Variants in LYRM4 observed in about 807,000 individuals in gnomAD.
LYRM4 encodes LYR motif containing 4.
In LYRM4, 9 loss-of-function variants were observed where a neutral mutation model predicts 11.7. The observed-to-expected ratio is 0.77, with a 90% confidence interval of 0.46 to 1.34. The LOEUF (loss-of-function observed/expected upper bound fraction) is 1.34, where lower values mean the gene tolerates loss of function less well. LYRM4 is among the 40% of genes most tolerant of loss of function. The pLI is 0.00. For missense variants in LYRM4, 133 were observed against 112.5 expected (o/e 1.18, Z -0.82); for synonymous variants, 42 against 40.4 (o/e 1.04, Z -0.15).
intron 2 of LYRM4, among the ~76,000 whole-genome samples, chr6:5,184,859 G>C (rs961695155): frequency 6.6e-6 from 1 of 152,190 alleles, no homozygotes; most frequent in Non-Finnish European, 1.5e-5. Context: ...GAGAAAAGAG[G>C]GAGCAGTGGA....
intron 2 of LYRM4, among the ~76,000 whole-genome samples, chr6:5,138,262 C>T (rs1757203382): frequency 6.6e-6 from 1 of 151,992 alleles, no homozygotes; most frequent in African/African-American, 2.4e-5. Context: ...GATGGGCAGA[C>T]TGCTTGAGCC....
chr6:5,242,772 T>TA (rs1346298208), intron 1 of LYRM4, among the ~76,000 whole-genome samples: 1 of 150,512 alleles, frequency 6.6e-6, no homozygotes, highest in East Asian at 2.0e-4. Context: ...TGCTCTTTTT[T>TA]TTTTTTTTTT....
rs1762390894 is a variant in LYRM4, at chr6:5,218,248, T to C, written c.87-1510A>G. The C allele has an allele frequency of 3.0e-6, 3 of 985,102 alleles. No individual in the cohort carries two copies. The African/African-American group carries it at 5.2e-5, about 17-fold the overall frequency. 61.0% of individuals were successfully genotyped at this position (985,102 alleles called of 1,614,324 possible). ...GATCACAGACTGCTCTGCTTTTAAC[T>C]TGGAGCACCGGTTAAAGAATCCATG... On this transcript the variant is annotated intron_variant, in intron 1 of 2. Coordinates refer to ENST00000330636, the MANE Select transcript of LYRM4 (RefSeq NM_020408.6).
intron 1 of LYRM4, among the ~76,000 whole-genome samples, chr6:5,240,912 A>G (rs1763838983): frequency 6.6e-6 from 1 of 152,210 alleles, no homozygotes; most frequent in East Asian, 1.9e-4. Flanking sequence ...ATAAAGAAGC[A>G]CATCCAAAAA....
chr6:5,224,074 C>T (rs1762740665), intron 1 of LYRM4, among the ~76,000 whole-genome samples: 1 of 152,196 alleles, frequency 6.6e-6, no homozygotes, highest in Admixed American at 6.5e-5. Context: ...TGGAGGCCTG[C>T]TATTTCTCCA....
At chr6:5,144,050 G>T in intron 2 of LYRM4, 1 of 1,436,510 alleles carries the variant, frequency 7.0e-7, no homozygotes, top group Non-Finnish European at 9.3e-7. Flanking sequence ...TTTCCTCCCT[G>T]AATAGCTGCT....
chr6:5,197,549 C>T (rs948787015), intron 2 of LYRM4, among the ~76,000 whole-genome samples: 1 of 151,882 alleles, frequency 6.6e-6, no homozygotes, highest in African/African-American at 2.4e-5. Flanking sequence ...GTGGCGGGTG[C>T]CTGTAATCCC....
chr6:5,207,743 AT>A (rs1307731929), intron 2 of LYRM4, among the ~76,000 whole-genome samples: 1 of 152,022 alleles, frequency 6.6e-6, no homozygotes, highest in Admixed American at 6.6e-5. Flanking sequence ...TTTCGTATTT[AT>A]TTTCTTTTGA....
At chr6:5,257,377 T>C (rs2753244) in intron 1 of LYRM4, among the ~76,000 whole-genome samples, 42,853 of 152,080 alleles carry the variant, frequency 0.28, 7,493 homozygotes, top group African/African-American at 0.5. Context: ...ATTCCACACC[T>C]TGTACATCCT....
At chr6:5,219,192 T>C (rs916639749) in intron 1 of LYRM4, among the ~76,000 whole-genome samples, 5 of 152,230 alleles carry the variant, frequency 3.3e-5, no homozygotes, top group Admixed American at 2.0e-4. Context: ...CTGTTTGGAA[T>C]GTAAAGACCT....
intron 1 of LYRM4, among the ~76,000 whole-genome samples, chr6:5,248,750 A>G (rs1207416404): frequency 6.6e-6 from 1 of 152,130 alleles, no homozygotes; most frequent in Non-Finnish European, 1.5e-5. Context: ...CCATTTCACT[A>G]TTGGTATATT....
At chr6:5,203,674 C>T (rs1761522388) in intron 2 of LYRM4, among the ~76,000 whole-genome samples, 1 of 152,212 alleles carries the variant, frequency 6.6e-6, no homozygotes, top group Non-Finnish European at 1.5e-5. Flanking sequence ...ATTTAGTCTT[C>T]ACAGCTCCAC....
the LYRM4 span, among the ~76,000 whole-genome samples, chr6:5,038,814 C>T: frequency 1.9e-5 from 1 of 52,926 alleles, no homozygotes; most frequent in African/African-American, 5.6e-5. Context: ...TGCAGCGAGC[C>T]GAGATGGCAG....
intron 2 of LYRM4, among the ~76,000 whole-genome samples, chr6:5,213,335 G>A (rs73719743): frequency 0.034 from 5,246 of 152,268 alleles, 287 homozygotes; most frequent in African/African-American, 0.12. Flanking sequence ...GGGGGTGGAG[G>A]GGTATCATTA....
At chr6:5,105,517 A>AAAAT (rs1264902903), downstream of LYRM4, 24 of 152,498 alleles carry the variant, frequency 1.6e-4, no homozygotes, top group African/African-American at 5.5e-4. Flanking sequence ...GACCTTTTAA[A>AAAAT]AAATACAAAC....
chr6:5,260,602 C>CCGGGCCCG, intron 1 of LYRM4, 46 bp downstream of exon 1: 1 of 1,203,600 alleles, frequency 8.3e-7, no homozygotes, highest in Non-Finnish European at 1.2e-6. Flanking sequence ...CCCCGGTCCC[C>CCGGGCCCG]GGCCCCTGGC....
At chr6:5,199,919 A>G (rs796684731) in intron 2 of LYRM4, among the ~76,000 whole-genome samples, 4 of 152,366 alleles carry the variant, frequency 2.6e-5, no homozygotes, top group African/African-American at 9.6e-5. Flanking sequence ...CAAGTTGTGC[A>G]GCTGAGGGCT....
Position 5,109,434 on chromosome 6 carries a change from G to T in LYRM4, c.265C>A (p.Pro89Thr). The T allele has an allele frequency of 1.2e-6, 2 of 1,614,098 alleles. No homozygotes were observed. Among genetic ancestry groups the T allele is most frequent in the Non-Finnish European group, 8.5e-7 (1 of 1,179,968 alleles). ...DKLIIENRDM[P>T]RT ...TGGTCCCCGGCTTGCTAGGTCCTGG[G>T]CATGTCTCGATTCTCAATGATCAGC... Residue 89 changes from proline (P) to threonine (T), a missense_variant, in exon 3 of 3, where the codon CCC becomes ACC. Transcript: ENST00000330636.
At chr6:5,169,920 T>C (rs566527366) in intron 2 of LYRM4, among the ~76,000 whole-genome samples, 21 of 152,260 alleles carry the variant, frequency 1.4e-4, no homozygotes, top group African/African-American at 5.1e-4. Context: ...TAAAAAGAAA[T>C]GGCCAGCAAA....
Sources: gnomAD v4.1 joint callset for allele counts (sites outside exome capture counted in the v4.1 genomes callset) on GRCh38, gnomAD v4.1.1 for gene constraint, MANE v1.5 for transcripts, NCBI Gene and HGNC (gene_info 2026-07-23, HGNC 2026-07-21) for gene names.